Variants in OPCML observed in about 807,000 individuals in gnomAD.
OPCML encodes opioid-binding protein/cell adhesion molecule.
A neutral mutation model predicts 37.8 loss-of-function variants in OPCML; 13 were observed. The observed-to-expected ratio is 0.34, with a 90% CI of 0.22 to 0.55. The LOEUF is 0.55. Ranked by LOEUF, OPCML falls within the 20% of genes least tolerant of loss-of-function variation. OPCML has a pLI of 0.91. For missense variants in OPCML, 341 were observed against 435.6 expected (o/e 0.78, Z 1.93); for synonymous variants, 176 against 168.8 (o/e 1.04, Z -0.33).
At chr11:132,759,884 G>A (rs1377386806) in intron 2 of OPCML, among the ~76,000 whole-genome samples, 1 of 151,994 alleles carries the variant, frequency 6.6e-6, no homozygotes, top group Non-Finnish European at 1.5e-5. Context: ...TTTTAATTGT[G>A]ATATGAGGGT....
intron 1 of OPCML, among the ~76,000 whole-genome samples, chr11:133,267,481 G>A (rs914785878): frequency 1.3e-5 from 2 of 152,112 alleles, no homozygotes; most frequent in Non-Finnish European, 2.9e-5. Flanking sequence ...TGTATATAAA[G>A]TTCTTAATTT....
At chr11:133,287,259 T>TTTTC (rs200677578) in intron 1 of OPCML, among the ~76,000 whole-genome samples, 39,473 of 131,352 alleles carry the variant, frequency 0.3, 7,061 homozygotes, top group East Asian at 0.71. Flanking sequence ...TTTTAATTCT[T>TTTTC]TTTCTTTCTT....
chr11:132,471,592 G>A (rs1276456006), intron 4 of OPCML, among the ~76,000 whole-genome samples: 1 of 152,172 alleles, frequency 6.6e-6, no homozygotes, highest in African/African-American at 2.4e-5. Flanking sequence ...CCATCTGTGG[G>A]TGTCTCCAGA....
At chr11:132,487,394 C>G (rs984246809) in intron 4 of OPCML, among the ~76,000 whole-genome samples, 1 of 152,230 alleles carries the variant, frequency 6.6e-6, no homozygotes, top group Non-Finnish European at 1.5e-5. Context: ...CTCCAACATA[C>G]CCATGGGCCA....
intron 3 of OPCML, among the ~76,000 whole-genome samples, chr11:132,631,899 C>T (rs1000583320): frequency 6.6e-6 from 1 of 151,940 alleles, no homozygotes; most frequent in Non-Finnish European, 1.5e-5. Flanking sequence ...TCAATAAATT[C>T]TTTGTGTGTG....
chr11:133,240,067 G>A (rs941381273), intron 1 of OPCML, among the ~76,000 whole-genome samples: 3 of 151,720 alleles, frequency 2.0e-5, no homozygotes, highest in South Asian at 2.1e-4. Flanking sequence ...ATTGAAAATG[G>A]CTCCAACAAA....
chr11:132,428,536 T>C (rs913325165), intron 7 of OPCML, among the ~76,000 whole-genome samples: 17 of 152,184 alleles, frequency 1.1e-4, no homozygotes, highest in East Asian at 5.8e-4. Flanking sequence ...TGGGGCATCA[T>C]TGAGCAGAGT....
chr11:132,694,612 G>T (rs1784172), intron 2 of OPCML, among the ~76,000 whole-genome samples: 1 of 152,152 alleles, frequency 6.6e-6, no homozygotes, highest in African/African-American at 2.4e-5. Flanking sequence ...GCTGCCAGTT[G>T]CTTCCTATCT....
At position 132,623,331 on chromosome 11, in the gene OPCML, C is replaced by A. The variant is rs143092859; in HGVS notation, c.379+33756G>T. Reference sequence around the variant, plus strand: ...GGCTCCTTCATCGCCCACAGTTGCACCTATCTAGTGTGTTTTGAAGAACTG... The same window carrying A: ...GGCTCCTTCATCGCCCACAGTTGCAACTATCTAGTGTGTTTTGAAGAACTG... On this transcript the variant is annotated intron_variant, in intron 3 of 7. Transcript: ENST00000524381. 1.9e-3 allele frequency among the ~76,000 whole-genome samples: 289 copies of A among 151,730 alleles called. 2 individuals carry two copies. Among genetic ancestry groups the A allele is most frequent in the African/African-American group, 6.4e-3 (263 of 41,318 alleles).
intron 1 of OPCML, among the ~76,000 whole-genome samples, chr11:133,265,414 A>G (rs1404329850): frequency 6.6e-6 from 1 of 152,198 alleles, no homozygotes; most frequent in East Asian, 1.9e-4. Context: ...GTGTCTTGAA[A>G]GTCTGATGGG....
intron 3 of OPCML, among the ~76,000 whole-genome samples, chr11:132,533,093 C>T (rs543218177): frequency 6.6e-6 from 1 of 152,056 alleles, no homozygotes; most frequent in East Asian, 1.9e-4. Flanking sequence ...TCTGAAATGC[C>T]CAAATTACTC....
chr11:132,745,404 TG>T (rs1945581107), intron 2 of OPCML, among the ~76,000 whole-genome samples: 1 of 152,076 alleles, frequency 6.6e-6, no homozygotes, highest in Non-Finnish European at 1.5e-5. Context: ...ACTTTGAGAA[TG>T]AGACATTACC....
chr11:132,999,444 G>A (rs534716076), intron 1 of OPCML, among the ~76,000 whole-genome samples: 63 of 152,122 alleles, frequency 4.1e-4, no homozygotes, highest in African/African-American at 1.4e-3. Context: ...GTGTGAAATT[G>A]GCTATTAAAA....
At chr11:133,382,756 C>A (rs76310234) in intron 1 of OPCML, among the ~76,000 whole-genome samples, 180 of 152,258 alleles carry the variant, frequency 1.2e-3, no homozygotes, top group African/African-American at 4.2e-3. Context: ...TCCCACCGAT[C>A]GATGTTCTGT....
chr11:132,711,599 C>T lies in OPCML; in HGVS notation c.147-54280G>A, dbSNP rs868417931. 2.6e-5 allele frequency among the ~76,000 whole-genome samples: 4 copies of T among 152,132 alleles called. 1 individual carries two copies. The South Asian group carries it at 8.3e-4, about 32-fold the overall frequency. ...CATAGCTAGCAGTTGTCAGTGAGGT[C>T]TTTTGAGGTAGCATTCACTGTGAAT... is the stretch of plus-strand genomic sequence containing the variant. On this transcript the variant is annotated intron_variant, in intron 2 of 7. Transcript: ENST00000524381.
At chr11:132,800,047 T>G (rs1938556242) in intron 2 of OPCML, among the ~76,000 whole-genome samples, 1 of 152,232 alleles carries the variant, frequency 6.6e-6, no homozygotes, top group Admixed American at 6.5e-5. Context: ...AAGTCTTTCA[T>G]TATATGAACA....
Position 132,416,249 on chromosome 11 carries a change from T to A in OPCML, c.*3944A>T, listed in dbSNP as rs930590904. ...TTTTAGGTAATGCATAGCCAGTTTT[T>A]CTTTCTCAAGATCAAAGTCAGTATG... On this transcript the variant is annotated 3_prime_UTR_variant, in exon 8 of 8. Coordinates refer to ENST00000524381, the MANE Select transcript of OPCML (RefSeq NM_001012393.5). 1 of 152,228 alleles carries A rather than the reference T, an allele frequency of 6.6e-6. No homozygotes were observed. The highest frequency in any genetic ancestry group is 1.5e-5 in the Non-Finnish European group (1 of 68,036). 9.4% of individuals were successfully genotyped at this position (152,228 alleles called of 1,614,324 possible).
At chr11:132,520,609 G>C (rs193150122) in intron 4 of OPCML, among the ~76,000 whole-genome samples, 1 of 151,810 alleles carries the variant, frequency 6.6e-6, no homozygotes, top group East Asian at 1.9e-4. Flanking sequence ...AAAAATGGTA[G>C]AGATAGGTAC....
At chr11:133,257,886 T>C (rs918979306) in intron 1 of OPCML, among the ~76,000 whole-genome samples, 2 of 151,804 alleles carry the variant, frequency 1.3e-5, no homozygotes, top group African/African-American at 4.8e-5. Context: ...GAGATCAACG[T>C]AGCTGAACAC....
Sources: gnomAD v4.1 joint callset for allele counts (sites outside exome capture counted in the v4.1 genomes callset) on GRCh38, gnomAD v4.1.1 for gene constraint, MANE v1.5 for transcripts, NCBI Gene and HGNC (gene_info 2026-07-23, HGNC 2026-07-21) for gene names.